Variants in UBE2W observed in about 807,000 individuals in gnomAD.
UBE2W encodes the protein ubiquitin-conjugating enzyme E2 W.
Under a neutral mutation model 27.2 loss-of-function variants are expected in UBE2W, and 18 were observed. The observed-to-expected ratio is 0.66, with a 90% confidence interval of 0.46 to 0.98. UBE2W has a LOEUF of 0.98. Among genes scored for constraint, UBE2W ranks in the 50% least tolerant of loss-of-function variants. The pLI is 0.00. For synonymous variants in UBE2W, 53 were observed against 57.2 expected, an observed-to-expected ratio of 0.93 and a Z score of 0.33; for missense variants, 90 against 180.2, an observed-to-expected ratio of 0.50 and a Z score of 2.87.
Position 73,861,616 on chromosome 8 carries a change from G to A in UBE2W, c.15+17192C>T, listed in dbSNP as rs531483999. Among the ~76,000 whole-genome samples the A allele has an allele frequency of 3.3e-5, 5 of 152,076 alleles. No individual in the cohort carries two copies. The East Asian group carries it at 5.8e-4, about 18-fold the overall frequency. ...AGCCATCGTGACCAACCCAGATTAC[G>A]TTTTAAATGAGATTTTTATGCATAT... On this transcript the variant is annotated intron_variant, in intron 1 of 5. Coordinates refer to ENST00000602593, the MANE Select transcript of UBE2W (RefSeq NM_018299.6).
Position 73,787,716 on chromosome 8 carries a change from C to CAAAT in UBE2W, c.*6385_*6386insATTT. On this transcript the variant is annotated 3_prime_UTR_variant, in exon 6 of 6. Transcript: ENST00000602593. ...TCTTCTTGCAGCTTCAAGAGTCACT[C>CAAAT]ATTTAAGTCATTAGTTGATCTGTTT... 1.0e-6 allele frequency: 1 copy of CAAAT among 985,414 alleles called. No individual in the cohort carries two copies. Among genetic ancestry groups the CAAAT allele is most frequent in the Non-Finnish European group, 1.2e-6 (1 of 829,912 alleles). The allele number at this position is 985,414 out of a possible 1,614,324, so 61.0% of individuals were successfully genotyped here.
intron 1 of UBE2W, among the ~76,000 whole-genome samples, chr8:73,863,370 T>C (rs1200277514): frequency 1.4e-4 from 20 of 146,240 alleles, no homozygotes; most frequent in African/African-American, 3.1e-4. Flanking sequence ...TAGGTGGGAA[T>C]TGAACAATGA....
At chr8:73,807,341 C>A (rs1303740008) in intron 4 of UBE2W, among the ~76,000 whole-genome samples, 1 of 152,168 alleles carries the variant, frequency 6.6e-6, no homozygotes, top group Non-Finnish European at 1.5e-5. Context: ...GGTATGACAT[C>A]ATTTAAGGAA....
rs544985953 is a variant in UBE2W, at chr8:73,786,538, GA to G, written c.*7563del. 60 of 985,456 alleles carry G rather than the reference GA, an allele frequency of 6.1e-5. No individual in the cohort carries two copies. In the South Asian group the frequency reaches 2.6e-3, roughly 42 times the overall value. 61.0% of individuals were successfully genotyped at this position (985,456 alleles called of 1,614,324 possible). On this transcript the variant is annotated 3_prime_UTR_variant, in exon 6 of 6. Coordinates refer to ENST00000602593, the MANE Select transcript of UBE2W (RefSeq NM_018299.6). ...GGATAGATGACTGGTAGGGAGAGAA[GA>G]AAGGACAAGGATGATAACCTTTCAG...
At chr8:73,813,822 G>T (rs1809274511) in intron 3 of UBE2W, among the ~76,000 whole-genome samples, 2 of 151,288 alleles carry the variant, frequency 1.3e-5, no homozygotes, top group South Asian at 2.1e-4. Context: ...GTACGACCTT[G>T]GCTCACTGCA....
chr8:73,874,206 C>T (rs536140487), intron 1 of UBE2W, among the ~76,000 whole-genome samples: 2 of 151,816 alleles, frequency 1.3e-5, no homozygotes, highest in Non-Finnish European at 2.9e-5. Flanking sequence ...CCGAGGCGGG[C>T]GGATCACGAG....
chr8:73,837,384 GTGTC>G (rs1393871181), intron 1 of UBE2W, among the ~76,000 whole-genome samples: 3 of 152,072 alleles, frequency 2.0e-5, no homozygotes, highest in African/African-American at 7.2e-5. Flanking sequence ...GTGGTGGTAA[GTGTC>G]TGTAATCCCA....
At chr8:73,838,108 TAAG>T (rs886333315) in intron 1 of UBE2W, among the ~76,000 whole-genome samples, 4 of 152,162 alleles carry the variant, frequency 2.6e-5, no homozygotes, top group Non-Finnish European at 4.4e-5. Context: ...ACAAATTCAG[TAAG>T]AAGGATTCTG....
intron 5 of UBE2W, among the ~76,000 whole-genome samples, chr8:73,804,053 A>G (rs1307385186): frequency 6.6e-6 from 1 of 151,874 alleles, no homozygotes; most frequent in African/African-American, 2.4e-5. Context: ...GGCATGAGCC[A>G]CCACGCCCGG....
At chr8:73,860,565 G>A (rs956385807) in intron 1 of UBE2W, among the ~76,000 whole-genome samples, 5 of 152,100 alleles carry the variant, frequency 3.3e-5, no homozygotes, top group South Asian at 2.1e-4. Flanking sequence ...AAAACCCTAC[G>A]AAAGAGGTAA....
intron 4 of UBE2W, among the ~76,000 whole-genome samples, 162 bp from the exon 5 acceptor site, chr8:73,805,888 T>A (rs1808882607): frequency 1.3e-5 from 2 of 152,184 alleles, no homozygotes; most frequent in African/African-American, 4.8e-5. Flanking sequence ...CCAGGAAATG[T>A]GTATGCTTAA....
At position 73,865,180 on chromosome 8, in the gene UBE2W, C is replaced by CAAAAAAAAAAAAAAA. The variant is rs11354153; in HGVS notation, c.15+13613_15+13627dup. 3.0e-4 allele frequency among the ~76,000 whole-genome samples: 10 copies of CAAAAAAAAAAAAAAA among 32,856 alleles called. 1 individual carries two copies. Among genetic ancestry groups the CAAAAAAAAAAAAAAA allele is most frequent in the African/African-American group, 8.4e-4 (10 of 11,940 alleles). The allele number at this position is 32,856 out of a possible 152,430, so 21.6% of individuals were successfully genotyped here. A position where few individuals can be genotyped will look rare whatever the true frequency, so the allele number is the denominator to read the frequency against. On this transcript the variant is annotated intron_variant, in intron 1 of 5. Coordinates refer to ENST00000602593, the MANE Select transcript of UBE2W (RefSeq NM_018299.6). Reference sequence around the variant, plus strand: ...CACTGCTCTTTAAGTGTGCAAACGTCAAAAAAAAAAAAAAAAAAAAAAAAA... The same window carrying CAAAAAAAAAAAAAAA: ...CACTGCTCTTTAAGTGTGCAAACGTCAAAAAAAAAAAAAAAAAAAAAAAAAAAAAAAAAAAAAAAA...
chr8:73,805,472 C>CAAAAAAAAAAAAAAAACAAAAACAAA lies in UBE2W; in HGVS notation c.442+178_442+179insTTTGTTTTTGTTTTTTTTTTTTTTTT. 4.6e-4 allele frequency among the ~76,000 whole-genome samples: 20 copies of CAAAAAAAAAAAAAAAACAAAAACAAA among 43,694 alleles called. 1 individual carries two copies. Among genetic ancestry groups the CAAAAAAAAAAAAAAAACAAAAACAAA allele is most frequent in the Non-Finnish European group, 8.0e-4 (16 of 20,122 alleles). 28.7% of individuals were successfully genotyped at this position (43,694 alleles called of 152,430 possible). A position where few individuals can be genotyped will look rare whatever the true frequency, so the allele number is the denominator to read the frequency against. ...TCCATCTCAAAAAAAAAAAAAAAAACAAAAAAAACTAGGGTAATTCATCCA... is the reference window on the plus strand; with the variant it reads ...TCCATCTCAAAAAAAAAAAAAAAAACAAAAAAAAAAAAAAAACAAAAACAAAAAAAAAAACTAGGGTAATTCATCCA... On this transcript the variant is annotated intron_variant, in intron 5 of 5. Transcript: ENST00000602593.
Position 73,789,931 on chromosome 8 carries a change from C to T in UBE2W, c.*4171G>A, listed in dbSNP as rs2130835521. On this transcript the variant is annotated 3_prime_UTR_variant, in exon 6 of 6. Coordinates refer to ENST00000602593, the MANE Select transcript of UBE2W (RefSeq NM_018299.6). ...GGAAAAAATAAATAATTTGCTTGGA[C>T]AATAATTTGGCTTTGGGAGAGTCCT... 1 of 982,978 alleles carries T rather than the reference C, an allele frequency of 1.0e-6. No homozygotes were observed. Among genetic ancestry groups the T allele is most frequent in the African/African-American group, 1.7e-5 (1 of 57,244 alleles). 60.9% of individuals were successfully genotyped at this position (982,978 alleles called of 1,614,324 possible).
chr8:73,791,495 A>G lies in UBE2W; in HGVS notation c.*2607T>C, dbSNP rs1808195562. 1.1e-5 allele frequency: 11 copies of G among 985,296 alleles called. No homozygotes were observed. Among genetic ancestry groups the G allele is most frequent in the Non-Finnish European group, 1.2e-5 (10 of 829,834 alleles). 61.0% of individuals were successfully genotyped at this position (985,296 alleles called of 1,614,324 possible). ...CCACGAGGAAATGCAGGGAGGAGGC[A>G]AGTAGCATATTCCTATATACATTTT... is the stretch of plus-strand genomic sequence containing the variant. On this transcript the variant is annotated 3_prime_UTR_variant, in exon 6 of 6. Coordinates refer to ENST00000602593, the MANE Select transcript of UBE2W (RefSeq NM_018299.6).
At chr8:73,866,610 T>TA (rs1426399803) in intron 1 of UBE2W, among the ~76,000 whole-genome samples, 1 of 152,012 alleles carries the variant, frequency 6.6e-6, no homozygotes, top group Non-Finnish European at 1.5e-5. Context: ...GAAAAAAACT[T>TA]AGATGCAAAT....
At chr8:73,840,697 C>G (rs1333953115) in intron 1 of UBE2W, among the ~76,000 whole-genome samples, 1 of 152,110 alleles carries the variant, frequency 6.6e-6, no homozygotes, top group Non-Finnish European at 1.5e-5. Flanking sequence ...TACCAAAATC[C>G]ACATATCCCA....
intron 1 of UBE2W, among the ~76,000 whole-genome samples, chr8:73,874,656 C>T (rs1360649925): frequency 6.6e-6 from 1 of 152,198 alleles, no homozygotes; most frequent in Non-Finnish European, 1.5e-5. Flanking sequence ...AAATTTGCTA[C>T]AAGAAACTTT....
At position 73,792,865 on chromosome 8, in the gene UBE2W, G is replaced by A; in HGVS notation, c.*1237C>T. ...AACAACAACAAAACAAAACCCTCCAGGAAAAACTATATGGCTGTGTGAGAC... is the reference window on the plus strand; with the variant it reads ...AACAACAACAAAACAAAACCCTCCAAGAAAAACTATATGGCTGTGTGAGAC... On this transcript the variant is annotated 3_prime_UTR_variant, in exon 6 of 6. Coordinates refer to ENST00000602593, the MANE Select transcript of UBE2W (RefSeq NM_018299.6). 1 of 985,338 alleles carries A rather than the reference G, an allele frequency of 1.0e-6. No individual in the cohort carries two copies. Among genetic ancestry groups the A allele is most frequent in the South Asian group, 4.7e-5 (1 of 21,270 alleles). The allele number at this position is 985,338 out of a possible 1,614,324, so 61.0% of individuals were successfully genotyped here.
Sources: allele counts gnomAD v4.1 joint callset (sites outside exome capture counted in the v4.1 genomes callset), GRCh38; gene constraint gnomAD v4.1.1; transcripts MANE v1.5; gene names NCBI Gene and HGNC (gene_info 2026-07-23, HGNC 2026-07-21).